Variants in NEDD4 observed in about 807,000 individuals in gnomAD.
NEDD4 encodes the protein NEDD4 E3 ubiquitin protein ligase, also known as E3 ubiquitin-protein ligase NEDD4.
In NEDD4, 99 loss-of-function variants were observed where a neutral mutation model predicts 144.9. That is an observed-to-expected ratio of 0.68 (90% CI 0.58 to 0.81). NEDD4 has a LOEUF of 0.81. NEDD4 is among the 30% of genes least tolerant of loss of function. The probability of loss-of-function intolerance (pLI) is 0.00; values close to 1 mark genes in which losing one functional copy is unlikely to be tolerated. For missense variants in NEDD4, 985 were observed against 1,065.9 expected, an observed-to-expected ratio of 0.92 and a Z score of 1.06; for synonymous variants, 318 against 350.6, an observed-to-expected ratio of 0.91 and a Z score of 1.04.
intron 2 of NEDD4, among the ~76,000 whole-genome samples, chr15:55,958,567 T>C (rs552757102): frequency 5.8e-4 from 89 of 152,224 alleles, no homozygotes; most frequent in East Asian, 1.9e-3. Flanking sequence ...TATTTTTTTT[T>C]CCCTAAATGT....
At chr15:55,958,543 T>C (rs2037375427) in intron 2 of NEDD4, among the ~76,000 whole-genome samples, 1 of 152,170 alleles carries the variant, frequency 6.6e-6, no homozygotes, top group South Asian at 2.1e-4. Flanking sequence ...CTGAACGTGT[T>C]TGTGTAGAAT....
chr15:55,908,675 T>C (rs928900127), intron 5 of NEDD4, among the ~76,000 whole-genome samples: 10 of 152,176 alleles, frequency 6.6e-5, no homozygotes, highest in Admixed American at 1.3e-4. Context: ...TACATGCACA[T>C]GAGAATTTAA....
chr15:55,901,715 CAT>C (rs77131479), intron 5 of NEDD4, among the ~76,000 whole-genome samples: 1,973 of 152,180 alleles, frequency 0.013, 17 homozygotes, highest in Non-Finnish European at 0.019. Context: ...TTCATAATTA[CAT>C]ATATGATTCC....
At chr15:55,901,479 T>A (rs192359739) in intron 5 of NEDD4, among the ~76,000 whole-genome samples, 1 of 152,256 alleles carries the variant, frequency 6.6e-6, no homozygotes, top group East Asian at 1.9e-4. Flanking sequence ...GTTGACACTG[T>A]CCCTAAGAAT....
intron 17 of NEDD4, among the ~76,000 whole-genome samples, chr15:55,847,833 T>C (rs2033811953): frequency 6.6e-6 from 1 of 151,838 alleles, no homozygotes; most frequent in African/African-American, 2.4e-5. Context: ...CCTGCCACCA[T>C]GCCCAACTAA....
chr15:55,877,963 A>C (rs55666442), intron 5 of NEDD4, among the ~76,000 whole-genome samples: 3,177 of 152,248 alleles, frequency 0.021, 120 homozygotes, highest in African/African-American at 0.073. Flanking sequence ...TGGCACCACA[A>C]AAATGATTCA....
Position 55,827,447 on chromosome 15 carries a change from C to T in NEDD4, c.*2450G>A, listed in dbSNP as rs1332651162. On this transcript the variant is annotated 3_prime_UTR_variant, in exon 29 of 29. Transcript: ENST00000435532. ...GGGACTGGTGGCAGTTGAGTCTGGT[C>T]TCATTTAACATCATGTTCTATGAGT... 6.6e-6 allele frequency: 1 copy of T among 152,144 alleles called. No homozygotes were observed. The highest frequency in any genetic ancestry group is 2.4e-5 in the African/African-American group (1 of 41,424). The allele number at this position is 152,144 out of a possible 1,614,324, so 9.4% of individuals were successfully genotyped here.
rs1365889790 is a variant in NEDD4, at chr15:55,856,215, A to C, written c.961-19T>G. On this transcript the variant is annotated intron_variant, in intron 11 of 28. Transcript: ENST00000435532. The stretch of plus-strand genomic sequence containing the variant: ...AATGATTCTTGTGAAAAAACAAGAC[A>C]ACAGAAGAATACCTTGATATTTGTG... 1 of 1,608,086 alleles carries C rather than the reference A, an allele frequency of 6.2e-7. No homozygotes were observed. Among genetic ancestry groups the C allele is most frequent in the Non-Finnish European group, 8.5e-7 (1 of 1,176,262 alleles).
intron 21 of NEDD4, 105 bp downstream of exon 21, chr15:55,840,342 C>A: frequency 1.0e-6 from 1 of 967,336 alleles, no homozygotes; most frequent in East Asian, 2.7e-5. Flanking sequence ...TATTTTGAAA[C>A]ATGATAATAT....
chr15:55,918,267 C>G (rs1403449225), intron 5 of NEDD4, among the ~76,000 whole-genome samples: 1 of 151,992 alleles, frequency 6.6e-6, no homozygotes, highest in Admixed American at 6.6e-5. Flanking sequence ...TTTATTTAAC[C>G]TTTATTTTCA....
At chr15:55,951,850 C>T (rs1052729293) in intron 2 of NEDD4, among the ~76,000 whole-genome samples, 1 of 151,966 alleles carries the variant, frequency 6.6e-6, no homozygotes, top group Non-Finnish European at 1.5e-5. Context: ...TGATTATAAG[C>T]TTCCTAGATT....
At chr15:55,955,857 C>G (rs1349191495) in intron 2 of NEDD4, among the ~76,000 whole-genome samples, 1 of 149,890 alleles carries the variant, frequency 6.7e-6, no homozygotes, top group East Asian at 1.9e-4. Flanking sequence ...GCTTTGTCAC[C>G]TAGGCTGGAG....
intron 5 of NEDD4, among the ~76,000 whole-genome samples, chr15:55,918,677 G>A (rs2036511945): frequency 6.6e-6 from 1 of 151,936 alleles, no homozygotes; most frequent in South Asian, 2.1e-4. Context: ...AGAATTATGG[G>A]AATTCATTGC....
At chr15:55,919,029 C>A (rs1485916319) in intron 5 of NEDD4, among the ~76,000 whole-genome samples, 1 of 152,152 alleles carries the variant, frequency 6.6e-6, no homozygotes, top group East Asian at 1.9e-4. Flanking sequence ...TCATTATTAA[C>A]ATATAAAATA....
At chr15:55,847,679 T>TTCC (rs1156803635) in intron 17 of NEDD4, among the ~76,000 whole-genome samples, 1 of 15,334 alleles carries the variant, frequency 6.5e-5, no homozygotes. Context: ...CTTTTTCCTT[T>TTCC]TTTTTTTTTT....
intron 4 of NEDD4, 38 bp downstream of exon 4, chr15:55,951,338 T>TA (rs2037234279): frequency 1.2e-6 from 1 of 811,488 alleles, no homozygotes; most frequent in African/African-American, 1.8e-5. Flanking sequence ...GAAAAAAACT[T>TA]ACTTTTTCCA....
In NEDD4 at chr15:55,850,747, C is replaced by T; in HGVS notation, c.1147-5G>A. On this transcript the variant is annotated splice_region_variant and splice_polypyrimidine_tract_variant and intron_variant, in intron 13 of 28. Transcript: ENST00000435532. Reference sequence around the variant, plus strand: ...CTGACTGGTCTCCACTGTGGCCTAGCACATTAATGAAATCATATTGTAATA... The same window carrying T: ...CTGACTGGTCTCCACTGTGGCCTAGTACATTAATGAAATCATATTGTAATA... 6.2e-7 allele frequency: 1 copy of T among 1,608,724 alleles called. No homozygotes were observed. The highest frequency in any genetic ancestry group is 8.5e-7 in the Non-Finnish European group (1 of 1,178,346).
chr15:55,910,821 T>A (rs2036248072), intron 5 of NEDD4, among the ~76,000 whole-genome samples: 1 of 152,162 alleles, frequency 6.6e-6, no homozygotes, highest in Admixed American at 6.5e-5. Context: ...AACCCAGTCA[T>A]CCAAGTTAGG....
intron 1 of NEDD4, among the ~76,000 whole-genome samples, chr15:55,982,403 T>TA (rs1291136399): frequency 6.6e-6 from 1 of 152,152 alleles, no homozygotes; most frequent in Admixed American, 6.5e-5. Context: ...GATATATTCA[T>TA]ACAACGAAAT....
Sources: gnomAD v4.1 joint callset for allele counts (sites outside exome capture counted in the v4.1 genomes callset) on GRCh38, gnomAD v4.1.1 for gene constraint, MANE v1.5 for transcripts, NCBI Gene and HGNC (gene_info 2026-07-23, HGNC 2026-07-21) for gene names.